ERG: variants seen among roughly 807,000 people sequenced by gnomAD.
ERG encodes transcriptional regulator ERG.
In ERG, 9 loss-of-function variants were observed where a neutral mutation model predicts 55.3. That is an observed-to-expected ratio of 0.16 (90% CI 0.10 to 0.28). The LOEUF (loss-of-function observed/expected upper bound fraction) is 0.28. Among genes scored for constraint, ERG ranks in the 10% least tolerant of loss-of-function variants. The pLI is 1.00. For synonymous variants in ERG, 223 were observed against 237.3 expected (o/e 0.94, Z 0.55); for missense variants, 434 against 631.6 (o/e 0.69, Z 3.35).
chr21:38,645,071 A>T (rs979141917), intron 1 of ERG, among the ~76,000 whole-genome samples: 6 of 152,166 alleles, frequency 3.9e-5, no homozygotes, highest in Non-Finnish European at 8.8e-5. Context: ...ATGTGGGAGG[A>T]TCATTTGAGT....
chr21:38,489,435 C>T lies in ERG; in HGVS notation c.18+8928G>A, dbSNP rs1473226269. ...GCAACACACATTTTATGTCTTTTCTCCTAAGACCGGCTTAACCGAGTTCAT... is the reference window on the plus strand; with the variant it reads ...GCAACACACATTTTATGTCTTTTCTTCTAAGACCGGCTTAACCGAGTTCAT... On this transcript the variant is annotated intron_variant, in intron 1 of 9. Transcript: ENST00000288319. 2.0e-5 allele frequency among the ~76,000 whole-genome samples: 3 copies of T among 152,212 alleles called. No homozygotes were observed. In the East Asian group the frequency reaches 5.8e-4, roughly 29 times the overall value.
intron 1 of ERG, among the ~76,000 whole-genome samples, chr21:38,632,505 G>A (rs1050129787): frequency 3.3e-5 from 5 of 152,196 alleles, no homozygotes; most frequent in Non-Finnish European, 5.9e-5. Context: ...GGGACCCAGT[G>A]GGAGGTAATT....
At chr21:38,454,026 C>A (rs1486110325) in intron 1 of ERG, among the ~76,000 whole-genome samples, 1 of 152,078 alleles carries the variant, frequency 6.6e-6, no homozygotes, top group Non-Finnish European at 1.5e-5. Context: ...GCAAAAAATA[C>A]ACTCACTATT....
chr21:38,482,257 C>T (rs756815601), intron 1 of ERG, among the ~76,000 whole-genome samples: 128 of 152,250 alleles, frequency 8.4e-4, no homozygotes, highest in Non-Finnish European at 7.5e-4. Context: ...AATGGGTATA[C>T]GACAAGGTGC....
intron 1 of ERG, among the ~76,000 whole-genome samples, chr21:38,481,399 C>A (rs1297505177): frequency 1.3e-5 from 2 of 152,048 alleles, no homozygotes; most frequent in Non-Finnish European, 2.9e-5. Context: ...AGAAACAGTC[C>A]ACTAAAAATC....
chr21:38,530,716 T>G (rs542802605), intron 2 of ERG, among the ~76,000 whole-genome samples: 1 of 152,316 alleles, frequency 6.6e-6, no homozygotes, highest in South Asian at 2.1e-4. Flanking sequence ...ATGAGCAAGT[T>G]TGTGCTACAT....
At chr21:38,545,670 G>A (rs911875248) in intron 2 of ERG, among the ~76,000 whole-genome samples, 6 of 152,200 alleles carry the variant, frequency 3.9e-5, no homozygotes, top group African/African-American at 1.2e-4. Context: ...CAGACACAAC[G>A]ATAAACATGA....
chr21:38,463,489 C>T (rs2059061898), intron 1 of ERG, among the ~76,000 whole-genome samples: 1 of 152,166 alleles, frequency 6.6e-6, no homozygotes, highest in Non-Finnish European at 1.5e-5. Flanking sequence ...TGTAAGTGTC[C>T]ACATATCATG....
At chr21:38,599,322 G>A (rs1388208089) in intron 1 of ERG, among the ~76,000 whole-genome samples, 2 of 151,652 alleles carry the variant, frequency 1.3e-5, no homozygotes, top group Non-Finnish European at 2.9e-5. Flanking sequence ...TAGGGGAAGG[G>A]TACCATCAGC....
chr21:38,394,839 A>G (rs1452738576), intron 6 of ERG, among the ~76,000 whole-genome samples: 1 of 152,206 alleles, frequency 6.6e-6, no homozygotes, highest in Admixed American at 6.5e-5. Context: ...GCTTTTACCC[A>G]TGGCATAAGT....
At chr21:38,400,358 A>G in intron 6 of ERG, 1 of 658,308 alleles carries the variant, frequency 1.5e-6, no homozygotes, top group Non-Finnish European at 2.8e-6. Context: ...AGCTAGTTAA[A>G]GGGCTAATCT....
chr21:38,511,769 A>G (rs2059513510), intron 2 of ERG, among the ~76,000 whole-genome samples: 1 of 152,136 alleles, frequency 6.6e-6, no homozygotes, highest in African/African-American at 2.4e-5. Context: ...CAGCATCAAC[A>G]TTTTGGGTTG....
At chr21:38,398,151 C>T (rs1445604971) in intron 6 of ERG, among the ~76,000 whole-genome samples, 1 of 152,308 alleles carries the variant, frequency 6.6e-6, no homozygotes, top group East Asian at 1.9e-4. Context: ...TGACCTCCCT[C>T]TGGAGCTCGT....
At chr21:38,436,239 G>C (rs1034243506) in intron 2 of ERG, among the ~76,000 whole-genome samples, 2 of 151,904 alleles carry the variant, frequency 1.3e-5, no homozygotes, top group African/African-American at 4.8e-5. Context: ...TCGAACTCCT[G>C]ACCCACCTAT....
intron 1 of ERG, among the ~76,000 whole-genome samples, chr21:38,459,616 T>A (rs940034205): frequency 3.3e-5 from 5 of 152,206 alleles, no homozygotes; most frequent in African/African-American, 1.2e-4. Flanking sequence ...GGTGTGGGAC[T>A]GAGTCAGATG....
chr21:38,582,320 C>T (rs2060035335), intron 1 of ERG, among the ~76,000 whole-genome samples: 2 of 152,186 alleles, frequency 1.3e-5, no homozygotes, highest in South Asian at 4.1e-4. Context: ...TGTTGGGGAG[C>T]TCAGCCCTTA....
At chr21:38,416,292 C>T (rs754872989) in intron 3 of ERG, among the ~76,000 whole-genome samples, 75 of 152,342 alleles carry the variant, frequency 4.9e-4, no homozygotes, top group Admixed American at 3.7e-3. Context: ...GGCAGGAAGA[C>T]GGTCGATGGT....
chr21:38,616,507 T>C (rs2060260049), intron 1 of ERG, among the ~76,000 whole-genome samples: 1 of 152,152 alleles, frequency 6.6e-6, no homozygotes, highest in Admixed American at 6.5e-5. Flanking sequence ...GAGCATGGAC[T>C]GTTGCTTATA....
intron 1 of ERG, among the ~76,000 whole-genome samples, chr21:38,618,846 A>G (rs541918620): frequency 8.5e-5 from 13 of 152,206 alleles, no homozygotes; most frequent in Non-Finnish European, 1.6e-4. Context: ...TGTTTCATCA[A>G]CTATCAAATG....
Sources: allele counts gnomAD v4.1 joint callset (sites outside exome capture counted in the v4.1 genomes callset), GRCh38; gene constraint gnomAD v4.1.1; transcripts MANE v1.5; gene names NCBI Gene and HGNC (gene_info 2026-07-23, HGNC 2026-07-21).